Variants in SLX4 observed in about 807,000 individuals in gnomAD.
SLX4 encodes SLX4 structure-specific endonuclease subunit.
A neutral mutation model predicts 146.2 loss-of-function variants in SLX4; 112 were observed. The observed-to-expected ratio is 0.77, with a 90% CI of 0.66 to 0.90. The LOEUF (loss-of-function observed/expected upper bound fraction) is 0.90. Among genes scored for constraint, SLX4 ranks in the 40% least tolerant of loss-of-function variants. SLX4 has a pLI of 0.00. For synonymous variants in SLX4, 1,061 were observed against 997.7 expected, an observed-to-expected ratio of 1.06 and a Z score of -1.20; for missense variants, 2,563 against 2,392.7, an observed-to-expected ratio of 1.07 and a Z score of -1.49.
At chr16:3,588,084 T>C (rs2151120197) in intron 12 of SLX4, among the ~76,000 whole-genome samples, 1 of 152,316 alleles carries the variant, frequency 6.6e-6, no homozygotes, top group South Asian at 2.1e-4. Context: ...CTTTTTTTAA[T>C]TGAGGTGAAA....
rs956924993 is a variant in SLX4, at chr16:3,582,436, T to C, written c.5411A>G (p.His1804Arg). ...SRRLLDFLDT[H>R]CITFTTAATR... Reference sequence around the variant, plus strand: ...GGCGGCAGTGGTGAAGGTGATACAGTGGGTGTCCAGGAAGTCCAACAGCCT... The same window carrying C: ...GGCGGCAGTGGTGAAGGTGATACAGCGGGTGTCCAGGAAGTCCAACAGCCT... Residue 1804 changes from histidine (H) to arginine (R), a missense_variant, in exon 15 of 15, where the codon CAC becomes CGC. Transcript: ENST00000294008. The C allele has an allele frequency of 1.2e-6, 2 of 1,613,872 alleles. No homozygotes were observed. Among genetic ancestry groups the C allele is most frequent in the East Asian group, 2.2e-5 (1 of 44,868 alleles).
In SLX4 at chr16:3,582,190, G is replaced by A; in HGVS notation, c.*152C>T. 1 of 654,706 alleles carries A rather than the reference G, an allele frequency of 1.5e-6. No individual in the cohort carries two copies. The highest frequency in any genetic ancestry group is 2.5e-5 in the Admixed American group (1 of 39,280). The allele number at this position is 654,706 out of a possible 1,614,324, so 40.6% of individuals were successfully genotyped here. A position where few individuals can be genotyped will look rare whatever the true frequency, so the allele number is the denominator to read the frequency against. On this transcript the variant is annotated 3_prime_UTR_variant, in exon 15 of 15. Coordinates refer to ENST00000294008, the MANE Select transcript of SLX4 (RefSeq NM_032444.4). ...AGAGGAGGAAGCCCTGGATTGGGCTGTGGTCATCATCACAGCGCAGAGCTG... is the reference window on the plus strand; with the variant it reads ...AGAGGAGGAAGCCCTGGATTGGGCTATGGTCATCATCACAGCGCAGAGCTG...
chr16:3,586,696 T>C (rs923147883), intron 12 of SLX4, among the ~76,000 whole-genome samples: 2 of 151,840 alleles, frequency 1.3e-5, no homozygotes, highest in African/African-American at 4.8e-5. Context: ...TGGGCGCTTG[T>C]AATCCCAGCT....
In SLX4 at chr16:3,583,211, C is replaced by T. The variant is rs1326033235; in HGVS notation, c.5039G>A (p.Arg1680Lys). ...TGGAGGTGCCTCCTTGGTGGGCGAC[C>T]TGCTTGGGGGTGTGATGCTTTCATG... is the stretch of plus-strand genomic sequence containing the variant. ...KHHESITPPSRSPTKEAPPGL... is the reference protein window; with the variant it reads ...KHHESITPPSKSPTKEAPPGL... The change falls in exon 14 of 15, where the codon AGG (arginine) becomes AAG (lysine). Residue 1680 changes from arginine to lysine, a missense_variant. Transcript: ENST00000294008. The T allele has an allele frequency of 1.9e-6, 3 of 1,614,186 alleles. No individual in the cohort carries two copies. The highest frequency in any genetic ancestry group is 2.2e-5 in the South Asian group (2 of 91,084).
At position 3,611,605 on chromosome 16, in the gene SLX4, G is replaced by C. The variant is rs957360124; in HGVS notation, c.-648C>G. 1.3e-5 allele frequency: 2 copies of C among 152,052 alleles called. No homozygotes were observed. Among genetic ancestry groups the C allele is most frequent in the Non-Finnish European group, 2.9e-5 (2 of 67,986 alleles). The allele number at this position is 152,052 out of a possible 1,614,324, so 9.4% of individuals were successfully genotyped here. The stretch of plus-strand genomic sequence containing the variant: ...CTTCTTAACGGAGACTCGCGCGCCT[G>C]CGCATGCGCCGCCCGCGCCCCCGCG... On this transcript the variant is annotated 5_prime_UTR_variant, in exon 1 of 15. Coordinates refer to ENST00000294008, the MANE Select transcript of SLX4 (RefSeq NM_032444.4).
At position 3,592,713 on chromosome 16, in the gene SLX4, G is replaced by T; in HGVS notation, c.2313C>A (p.Ser771Arg). Residue 771 changes from serine to arginine, a missense_variant, in exon 11 of 15, where the codon AGC (serine) becomes AGA (arginine). Physicochemically the swap from Ser to Arg is moderately radical, Grantham distance 110. Coordinates refer to ENST00000294008, the MANE Select transcript of SLX4 (RefSeq NM_032444.4). ...GLPPGLSSEL[S>R]SLAHRFGVSE... is the part of the protein sequence containing the mutation. The stretch of plus-strand genomic sequence containing the variant: ...GCAATCCAGACCTGTGGGCCAGGGA[G>T]CTCAGCTCAGAGCTAAGGCCAGGAG... The T allele has an allele frequency of 6.2e-7, 1 of 1,613,218 alleles. No individual in the cohort carries two copies. The highest frequency in any genetic ancestry group is 8.5e-7 in the Non-Finnish European group (1 of 1,179,938).
chr16:3,606,444 G>C (rs756852479), intron 3 of SLX4, 30 bp downstream of exon 3: 4 of 1,608,684 alleles, frequency 2.5e-6, no homozygotes, highest in Non-Finnish European at 3.4e-6. Flanking sequence ...ACTTATCTCT[G>C]TGTGGAAGAC....
Position 3,595,608 on chromosome 16 carries a change from G to C in SLX4, c.2010C>G (p.Thr670=). ...QDKHPDRGGR[T]LLSLGLLVAD... The stretch of plus-strand genomic sequence containing the variant: ...GCGGGCCAGAGCCAGTTCTTACCAA[G>C]GTGCGGCCGCCCCTGTCCGGGTGCT... The change falls in exon 9 of 15, where the codon ACC becomes ACG. Residue 670 remains threonine (T), a synonymous_variant. Coordinates refer to ENST00000294008, the MANE Select transcript of SLX4 (RefSeq NM_032444.4). The C allele has an allele frequency of 6.2e-7, 1 of 1,613,798 alleles. No individual in the cohort carries two copies. The highest frequency in any genetic ancestry group is 1.1e-5 in the South Asian group (1 of 91,078).
rs2151118020 is a variant in SLX4 at position 3,584,786 on chromosome 16, C to T, written c.4722G>A (p.Leu1574=). ...PQYSIMETPV[L]KKELDRFGVR... ...CCGCCAACCTATCCAGTTCCTTCTT[C>T]AGCACCGGCGTCTCCATAATGGAAT... Residue 1574 remains leucine (L), a synonymous_variant, in exon 13 of 15, where the codon CTG becomes CTA. Transcript: ENST00000294008. 1.2e-6 allele frequency: 2 copies of T among 1,613,864 alleles called. No homozygotes were observed. Among genetic ancestry groups the T allele is most frequent in the Non-Finnish European group, 1.7e-6 (2 of 1,179,734 alleles).
chr16:3,606,714 A>G lies in SLX4; in HGVS notation c.536-16T>C. 1 of 1,613,330 alleles carries G rather than the reference A, an allele frequency of 6.2e-7. No individual in the cohort carries two copies. ...GGCACATTCTCTGGCAAGGAGGAAA[A>G]TATTCACAACCATCTGTTGTAGCTG... On this transcript the variant is annotated splice_polypyrimidine_tract_variant and intron_variant, in intron 2 of 14. Transcript: ENST00000294008.
In SLX4 at chr16:3,589,272, G is replaced by A. The variant is rs760286353; in HGVS notation, c.4366C>T (p.Arg1456Cys). Residue 1456 changes from arginine (R) to cysteine (C), a missense_variant, in exon 12 of 15, where the codon CGC becomes TGC. By Grantham distance (180) the Arg-to-Cys change is radical. Transcript: ENST00000294008. This position sits in a 1 kb window ranked among gnomAD's most constrained non-coding sequence, Gnocchi z 6.2. Reference protein sequence around the residue: ...TGPLSTSSPSRRMNEAADSRD... With the variant: ...TGPLSTSSPSCRMNEAADSRD... The stretch of plus-strand genomic sequence containing the variant: ...CTGTCGGCGGCCTCGTTCATCCTGC[G>A]GCTGGGGCTGCTGGTGCTCAGGGGG... The A allele has an allele frequency of 1.1e-5, 17 of 1,598,234 alleles. No homozygotes were observed. In the East Asian group the frequency reaches 1.1e-4, roughly 11 times the overall value.
Position 3,605,946 on chromosome 16 carries a change from C to CAA in SLX4, c.760+526_760+527dup, listed in dbSNP as rs1181232820. On this transcript the variant is annotated intron_variant, in intron 3 of 14. Coordinates refer to ENST00000294008, the MANE Select transcript of SLX4 (RefSeq NM_032444.4). ...TGGGTGACGGAGCGAGACTCCATCT[C>CAA]AAAAAAAAAAAAAAAAAAAAAAAAG... is the stretch of plus-strand genomic sequence containing the variant. Among the ~76,000 whole-genome samples, 191 of 26,718 alleles carry CAA rather than the reference C, an allele frequency of 7.1e-3. 6 individuals carry two copies. Among genetic ancestry groups the CAA allele is most frequent in the East Asian group, 0.025 (19 of 760 alleles). The allele number at this position is 26,718 out of a possible 152,430, so 17.5% of individuals were successfully genotyped here. A position where few individuals can be genotyped will look rare whatever the true frequency, so the allele number is the denominator to read the frequency against.
At chr16:3,594,134 T>C (rs1348884458) in intron 10 of SLX4, among the ~76,000 whole-genome samples, 2 of 152,198 alleles carry the variant, frequency 1.3e-5, no homozygotes, top group African/African-American at 4.8e-5. Context: ...CCCAAAGTGC[T>C]GGAATTACAG....
chr16:3,601,210 T>C lies in SLX4; in HGVS notation c.951-19A>G. 6.2e-7 allele frequency: 1 copy of C among 1,613,394 alleles called. No individual in the cohort carries two copies. The highest frequency in any genetic ancestry group is 1.3e-5 in the African/African-American group (1 of 75,028). On this transcript the variant is annotated intron_variant, in intron 4 of 14. Transcript: ENST00000294008. ...CAAGCACCTGAAGGAAAACAGTCAA[T>C]ACAGGAGAACCACCCTCCCCAGGAA...
rs747442815 is a variant in SLX4, at chr16:3,582,520, A to C, written c.5327T>G (p.Phe1776Cys). ...LYQKVLLYQPFELRELQAELR... is the reference protein window; with the variant it reads ...LYQKVLLYQPCELRELQAELR... ...CTCTGCCTGCAGCTCCCGCAGCTCA[A>C]AGGGCTGGTACAGCAGCACCTTCTG... The change falls in exon 15 of 15, where the codon TTT becomes TGT. Residue 1776 changes from phenylalanine to cysteine, a missense_variant. Transcript: ENST00000294008. 1.9e-6 allele frequency: 3 copies of C among 1,614,000 alleles called. No homozygotes were observed. The highest frequency in any genetic ancestry group is 3.3e-5 in the Admixed American group (2 of 60,028).
Position 3,596,278 on chromosome 16 carries a change from G to C in SLX4, c.1799C>G (p.Pro600Arg). The C allele has an allele frequency of 6.4e-7, 1 of 1,567,240 alleles. No homozygotes were observed. Among genetic ancestry groups the C allele is most frequent in the Non-Finnish European group, 8.6e-7 (1 of 1,157,096 alleles). The change falls in exon 8 of 15, where the codon CCG becomes CGG. Residue 600 changes from proline (P) to arginine (R), a missense_variant. Physicochemically the swap from Pro to Arg is moderately radical, Grantham distance 103. Coordinates refer to ENST00000294008, the MANE Select transcript of SLX4 (RefSeq NM_032444.4). Reference protein sequence around the residue: ...TPTAGCGSRGPSPSASQREHQ... With the variant: ...TPTAGCGSRGRSPSASQREHQ... ...CTCCCTCTGGCTGGCCGAAGGCGAC[G>C]GGCCCCTGGAGCCACAGCCTGCAGT... is the stretch of plus-strand genomic sequence containing the variant.
rs755044096 is a variant in SLX4 at position 3,596,332 on chromosome 16, C to T, written c.1745G>A (p.Arg582Gln). 19 of 1,589,006 alleles carry T rather than the reference C, an allele frequency of 1.2e-5. No homozygotes were observed. The highest frequency in any genetic ancestry group is 4.6e-5 in the East Asian group (2 of 43,924). Reference protein sequence around the residue: ...VPPEHSELSERRSPALHGTPT... With the variant: ...VPPEHSELSEQRSPALHGTPT... ...GGTGCCGTGGAGAGCGGGTGACCTT[C>T]GCTCGCTCAGCTCTGAGTGCTCAGG... is the stretch of plus-strand genomic sequence containing the variant. Residue 582 changes from arginine (R) to glutamine (Q), a missense_variant, in exon 8 of 15, where the codon CGA (arginine) becomes CAA (glutamine). Coordinates refer to ENST00000294008, the MANE Select transcript of SLX4 (RefSeq NM_032444.4).
intron 4 of SLX4, chr16:3,601,846 T>A (rs2040730311): frequency 2.2e-6 from 1 of 447,604 alleles, no homozygotes; most frequent in East Asian, 4.4e-5. Flanking sequence ...GGGATTCTTT[T>A]GGGGGTGATG....
intron 8 of SLX4, 84 bp downstream of exon 8, chr16:3,596,069 G>A (rs1311312259): frequency 1.3e-6 from 2 of 1,496,082 alleles, no homozygotes; most frequent in South Asian, 1.3e-5. Flanking sequence ...GGCGGCACAA[G>A]AGCCAGTCCA....
Sources: gnomAD v4.1 joint callset for allele counts (sites outside exome capture counted in the v4.1 genomes callset) on GRCh38, gnomAD v4.1.1 for gene constraint, Gnocchi (gnomAD v3.1) non-coding constraint, MANE v1.5 for transcripts, NCBI Gene and HGNC (gene_info 2026-07-23, HGNC 2026-07-21) for gene names.